Variants in ABCB8 observed in about 807,000 individuals in gnomAD.
The protein encoded by ABCB8 is ATP binding cassette subfamily B member 8.
In ABCB8, 52 loss-of-function variants were observed where a neutral mutation model predicts 73.0. The ratio of observed to expected loss-of-function variants is 0.71; its 90% confidence interval spans 0.57 to 0.90. The LOEUF is 0.90. Ranked by LOEUF, ABCB8 falls within the 40% of genes least tolerant of loss-of-function variation. The probability of loss-of-function intolerance (pLI) is 0.00; values close to 1 mark genes in which losing one functional copy is unlikely to be tolerated. For missense variants in ABCB8, 909 were observed against 974.6 expected (o/e 0.93, Z 0.90); for synonymous variants, 428 against 423.5 (o/e 1.01, Z -0.13).
Position 151,028,479 on chromosome 7 carries a change from C to G in ABCB8, c.-37C>G, listed in dbSNP as rs113239828. The G allele has an allele frequency of 6.0e-5, 95 of 1,592,606 alleles. 1 individual carries two copies. The East Asian group carries it at 1.5e-3, about 26-fold the overall frequency. On this transcript the variant is annotated 5_prime_UTR_variant, in exon 1 of 16. Transcript: ENST00000358849. ...AGCCCTCAGTGGGATGAGGGTGAAA[C>G]TGCTATTGCCGGCGGCTCCTGTTTT...
At chr7:151,038,981 A>C (rs948203545) in intron 9 of ABCB8, 7 of 152,248 alleles carry the variant, frequency 4.6e-5, no homozygotes, top group Non-Finnish European at 8.8e-5. Context: ...TACCTCAGGC[A>C]GCCTAACCTA....
At position 151,045,679 on chromosome 7, in the gene ABCB8, C is replaced by T. The variant is rs2117248389; in HGVS notation, c.*330C>T. The T allele has an allele frequency of 3.9e-6, 1 of 258,020 alleles. No homozygotes were observed. The highest frequency in any genetic ancestry group is 7.0e-5 in the East Asian group (1 of 14,306). The allele number at this position is 258,020 out of a possible 1,614,324, so 16.0% of individuals were successfully genotyped here. A position where few individuals can be genotyped will look rare whatever the true frequency, so the allele number is the denominator to read the frequency against. On this transcript the variant is annotated 3_prime_UTR_variant, in exon 16 of 16. Coordinates refer to ENST00000358849, the MANE Select transcript of ABCB8 (RefSeq NM_007188.5). ...CCAGACCTCTCAAGAGACGTTCTGG[C>T]CAGTCTCCCTGCCCCACCCAGCAGC...
chr7:151,030,407 C>T (rs573695388), intron 1 of ABCB8, among the ~76,000 whole-genome samples: 4 of 152,094 alleles, frequency 2.6e-5, no homozygotes, highest in Admixed American at 6.5e-5. Context: ...CCCAGCTACT[C>T]GGGAGGCTGA....
At chr7:151,034,132 C>T (rs1251413341) in intron 2 of ABCB8, 141 bp from the exon 3 acceptor site, 1 of 1,157,552 alleles carries the variant, frequency 8.6e-7, no homozygotes, top group East Asian at 2.4e-5. Flanking sequence ...CTGAGAGGCA[C>T]TGATGTGTCC....
Position 151,047,184 on chromosome 7 carries a change from G to A in ABCB8, c.*1835G>A, listed in dbSNP as rs1258721027. The A allele has an allele frequency of 6.6e-6, 1 of 152,194 alleles. No individual in the cohort carries two copies. The highest frequency in any genetic ancestry group is 1.5e-5 in the Non-Finnish European group (1 of 68,058). 9.4% of individuals were successfully genotyped at this position (152,194 alleles called of 1,614,324 possible). On this transcript the variant is annotated 3_prime_UTR_variant, in exon 16 of 16. Transcript: ENST00000358849. ...CTCTGACACCAGATTTATATCTTCTGGGCGGCTTCTTTAAATCCAGCCCTT... is the reference window on the plus strand; with the variant it reads ...CTCTGACACCAGATTTATATCTTCTAGGCGGCTTCTTTAAATCCAGCCCTT...
In ABCB8 at chr7:151,036,769, G is replaced by T; in HGVS notation, c.1217+120G>T. 7.8e-6 allele frequency: 7 copies of T among 897,368 alleles called. No individual in the cohort carries two copies. The South Asian group carries it at 9.4e-5, about 12-fold the overall frequency. The allele number at this position is 897,368 out of a possible 1,614,324, so 55.6% of individuals were successfully genotyped here. A position where few individuals can be genotyped will look rare whatever the true frequency, so the allele number is the denominator to read the frequency against. On this transcript the variant is annotated intron_variant, in intron 9 of 15. Coordinates refer to ENST00000358849, the MANE Select transcript of ABCB8 (RefSeq NM_007188.5). ...CCGACTGCTGTGCAGCTCCAGGCCT[G>T]CCCAGCTTCCCCAGGGATGCATAGG...
chr7:151,037,184 G>A (rs1381551590), intron 9 of ABCB8: 2 of 702,864 alleles, frequency 2.8e-6, no homozygotes, highest in African/African-American at 1.7e-5. Flanking sequence ...TCCTCTAAGT[G>A]GAGTCAGACT....
Position 151,035,824 on chromosome 7 carries a change from CCTGGACTCCTTGTCCTGTTTT to C in ABCB8, c.928-37_928-17del, listed in dbSNP as rs544222964. On this transcript the variant is annotated intron_variant, in intron 6 of 15. Transcript: ENST00000358849. ...CCCCGGAACTCCTCCCTGTCCCCATCCTGGACTCCTTGTCCTGTTTTCTGGACTCCTTGTCCTGTTTCCTGG... is the reference window on the plus strand; with the variant it reads ...CCCCGGAACTCCTCCCTGTCCCCATCCTGGACTCCTTGTCCTGTTTCCTGG... 112 of 1,610,430 alleles carry C rather than the reference CCTGGACTCCTTGTCCTGTTTT, an allele frequency of 7.0e-5. 3 individuals carry two copies. The highest frequency in any genetic ancestry group is 6.0e-4 in the East Asian group (27 of 44,890).
intron 9 of ABCB8, chr7:151,037,489 G>A (rs751750916): frequency 4.9e-5 from 30 of 610,044 alleles, no homozygotes; most frequent in African/African-American, 1.8e-4. Context: ...AGCTCAAGGC[G>A]GGCCTCCCCC....
intron 9 of ABCB8, chr7:151,038,605 G>A (rs1796373874): frequency 6.6e-6 from 1 of 152,034 alleles, no homozygotes; most frequent in East Asian, 1.9e-4. Context: ...GGGGAGGGTG[G>A]CTGCACTGTC....
In ABCB8 at chr7:151,040,581, C is replaced by T. The variant is rs144754093; in HGVS notation, c.1335C>T (p.Cys445=). The part of the protein sequence containing the change: ...NPCIPLSGGC[C]VPKEQLRGSV... ...GCATCCCACTGTCTGGGGGCTGCTG[C>T]GTCCCCAAAGAGCAGCTGCGTGGCT... The change falls in exon 11 of 16, where the codon TGC becomes TGT. Residue 445 remains cysteine, a synonymous_variant. Coordinates refer to ENST00000358849, the MANE Select transcript of ABCB8 (RefSeq NM_007188.5). The T allele has an allele frequency of 7.4e-6, 12 of 1,613,326 alleles. No individual in the cohort carries two copies. Among genetic ancestry groups the T allele is most frequent in the East Asian group, 4.5e-5 (2 of 44,882 alleles).
chr7:151,044,718 T>C (rs1796569572), intron 15 of ABCB8, among the ~76,000 whole-genome samples: 1 of 152,204 alleles, frequency 6.6e-6, no homozygotes, highest in African/African-American at 2.4e-5. Flanking sequence ...CGCTCCAGCC[T>C]GGCATCAGAA....
chr7:151,043,950 G>A, intron 14 of ABCB8, 21 bp from the exon 15 acceptor site: 1 of 1,605,202 alleles, frequency 6.2e-7, no homozygotes. Context: ...TCAGGCTCCT[G>A]CCCTGCCCCT....
chr7:151,034,659 A>G (rs930909606), intron 4 of ABCB8, 60 bp downstream of exon 4: 1 of 1,611,556 alleles, frequency 6.2e-7, no homozygotes, highest in East Asian at 2.2e-5. Flanking sequence ...GTCTGGGGGT[A>G]GGACCTTATC....
chr7:151,033,321 C>A, intron 1 of ABCB8: 3 of 958,026 alleles, frequency 3.1e-6, no homozygotes, highest in Non-Finnish European at 4.3e-6. Context: ...GGAGTCGAGG[C>A]TGCGAGGGCC....
At chr7:151,030,605 G>A (rs982483425) in intron 1 of ABCB8, among the ~76,000 whole-genome samples, 6 of 152,104 alleles carry the variant, frequency 3.9e-5, no homozygotes, top group African/African-American at 1.4e-4. Context: ...ATCACTTGAG[G>A]TCAGGAGTTC....
intron 1 of ABCB8, chr7:151,033,331 CCTGG>C: frequency 1.8e-6 from 2 of 1,113,644 alleles, no homozygotes; most frequent in Non-Finnish European, 2.4e-6. Flanking sequence ...CTGCGAGGGC[CCTGG>C]CTGGCTGGGT....
At chr7:151,039,235 G>A (rs1371852850) in intron 9 of ABCB8, 1 of 152,326 alleles carries the variant, frequency 6.6e-6, no homozygotes, top group East Asian at 1.9e-4. Flanking sequence ...TGGAGAATGT[G>A]CCCCTGCTCA....
In ABCB8 at chr7:151,034,485, T is replaced by TTTC. The variant is rs1796249892; in HGVS notation, c.565-20_565-19insTTC. The TTTC allele has an allele frequency of 6.2e-7, 1 of 1,613,462 alleles. No homozygotes were observed. The highest frequency in any genetic ancestry group is 8.5e-7 in the Non-Finnish European group (1 of 1,180,000). ...AGGAGCCACCCGAGGCATCCCTGAG[T>TTTC]GCACTGGGCTCTTTCGCAGGGACTG... On this transcript the variant is annotated intron_variant, in intron 3 of 15. Transcript: ENST00000358849.
Sources: allele counts gnomAD v4.1 joint callset (sites outside exome capture counted in the v4.1 genomes callset), GRCh38; gene constraint gnomAD v4.1.1; transcripts MANE v1.5; gene names NCBI Gene and HGNC (gene_info 2026-07-23, HGNC 2026-07-21).